Variants in KCND2 observed in about 807,000 individuals in gnomAD.
The protein encoded by KCND2 is potassium voltage-gated channel subfamily D member 2.
In KCND2, 16 loss-of-function variants were observed where a neutral mutation model predicts 54.4. The ratio of observed to expected loss-of-function variants is 0.29; its 90% CI spans 0.20 to 0.45. The LOEUF is 0.45. Among genes scored for constraint, KCND2 ranks in the 20% least tolerant of loss-of-function variants. The pLI is 1.00. For missense variants in KCND2, 486 were observed against 824.2 expected (o/e 0.59, Z 5.02); for synonymous variants, 317 against 310.7 (o/e 1.02, Z -0.21).
At chr7:120,536,222 A>T (rs1791904531) in intron 1 of KCND2, among the ~76,000 whole-genome samples, 1 of 152,166 alleles carries the variant, frequency 6.6e-6, no homozygotes, top group Non-Finnish European at 1.5e-5. Flanking sequence ...TGTCTACAAA[A>T]ACAATATATA....
chr7:120,625,021 T>G (rs1373550696), intron 1 of KCND2, among the ~76,000 whole-genome samples: 2 of 152,188 alleles, frequency 1.3e-5, no homozygotes, highest in African/African-American at 2.4e-5. Flanking sequence ...TATCTCAAAG[T>G]ATCTAATTGC....
intron 1 of KCND2, among the ~76,000 whole-genome samples, chr7:120,541,897 C>G (rs1483716393): frequency 1.3e-5 from 2 of 152,154 alleles, no homozygotes; most frequent in East Asian, 3.8e-4. Context: ...CATATTCAAT[C>G]TTCTATTCAG....
intron 1 of KCND2, among the ~76,000 whole-genome samples, chr7:120,617,471 T>G (rs1429390311): frequency 1.3e-5 from 2 of 152,196 alleles, no homozygotes; most frequent in African/African-American, 4.8e-5. Flanking sequence ...GAAGGGCTAT[T>G]ACTAAAGTCA....
chr7:120,413,408 A>C (rs1206277550), intron 1 of KCND2, among the ~76,000 whole-genome samples: 1 of 151,892 alleles, frequency 6.6e-6, no homozygotes, highest in East Asian at 1.9e-4. Flanking sequence ...TTGTTCACCT[A>C]TGTCTACCTT....
chr7:120,441,339 A>G (rs971527509), intron 1 of KCND2, among the ~76,000 whole-genome samples: 1 of 152,100 alleles, frequency 6.6e-6, no homozygotes, highest in African/African-American at 2.4e-5. Flanking sequence ...AGAGACATGT[A>G]TATGGCACAT....
chr7:120,477,622 T>C (rs1310903229), intron 1 of KCND2, among the ~76,000 whole-genome samples: 1 of 151,936 alleles, frequency 6.6e-6, no homozygotes, highest in Non-Finnish European at 1.5e-5. Flanking sequence ...TAAATTTATA[T>C]AGTAAATATT....
At chr7:120,435,202 G>T (rs72603599) in intron 1 of KCND2, among the ~76,000 whole-genome samples, 10,036 of 151,370 alleles carry the variant, frequency 0.066, 1,067 homozygotes, top group East Asian at 0.52. Context: ...CACCTCCCGG[G>T]TTCAAGTGAT....
At chr7:120,705,012 A>G (rs1016111344) in intron 1 of KCND2, among the ~76,000 whole-genome samples, 10 of 152,210 alleles carry the variant, frequency 6.6e-5, no homozygotes, top group South Asian at 6.2e-4. Flanking sequence ...TAAGTCCTTT[A>G]ATACTGCCTA....
At chr7:120,505,682 C>A (rs1463628700) in intron 1 of KCND2, among the ~76,000 whole-genome samples, 1 of 151,626 alleles carries the variant, frequency 6.6e-6, no homozygotes, top group Non-Finnish European at 1.5e-5. Flanking sequence ...CCTTGCTAAA[C>A]CCAGAGAGAT....
At chr7:120,396,473 A>G (rs1057404375) in intron 1 of KCND2, among the ~76,000 whole-genome samples, 1 of 152,084 alleles carries the variant, frequency 6.6e-6, no homozygotes, top group Non-Finnish European at 1.5e-5. Flanking sequence ...TTCGACATTA[A>G]TATTAAGACT....
At position 120,637,448 on chromosome 7, in the gene KCND2, T is replaced by G. The variant is rs546617405; in HGVS notation, c.1116-95455T>G. 4.6e-5 allele frequency among the ~76,000 whole-genome samples: 7 copies of G among 152,268 alleles called. No homozygotes were observed. In the South Asian group the frequency reaches 1.4e-3, roughly 32 times the overall value. On this transcript the variant is annotated intron_variant, in intron 1 of 5. Transcript: ENST00000331113. ...GATTTTAAAATATTATTCAAATTTT[T>G]CTTTAAAGAAGTTTTATTTTTAAGC...
At position 120,656,505 on chromosome 7, in the gene KCND2, A is replaced by G. The variant is rs368394258; in HGVS notation, c.1116-76398A>G. 3.7e-4 allele frequency among the ~76,000 whole-genome samples: 57 copies of G among 152,346 alleles called. 2 individuals carry two copies. In the South Asian group the frequency reaches 0.011, roughly 29 times the overall value. On this transcript the variant is annotated intron_variant, in intron 1 of 5. Coordinates refer to ENST00000331113, the MANE Select transcript of KCND2 (RefSeq NM_012281.3). ...GATCTTTCCATCTATTTCTAAGTAC[A>G]CAGAGCATACTGAGATTAAGATTCA...
At chr7:120,619,490 T>C (rs1793071476) in intron 1 of KCND2, among the ~76,000 whole-genome samples, 1 of 152,372 alleles carries the variant, frequency 6.6e-6, no homozygotes, top group African/African-American at 2.4e-5. Flanking sequence ...GTAACTGGCC[T>C]ATCAACTAAG....
intron 1 of KCND2, among the ~76,000 whole-genome samples, chr7:120,510,383 C>CCTG (rs1312037404): frequency 6.6e-6 from 1 of 152,004 alleles, no homozygotes; most frequent in African/African-American, 2.4e-5. Context: ...GTTTTGAACC[C>CCTG]CTGTAGTCTG....
chr7:120,710,559 T>G lies in KCND2; in HGVS notation c.1116-22344T>G, dbSNP rs1393996530. 3.3e-5 allele frequency among the ~76,000 whole-genome samples: 5 copies of G among 152,122 alleles called. No individual in the cohort carries two copies. In the East Asian group the frequency reaches 9.6e-4, roughly 29 times the overall value. On this transcript the variant is annotated intron_variant, in intron 1 of 5. Coordinates refer to ENST00000331113, the MANE Select transcript of KCND2 (RefSeq NM_012281.3). ...GAGTCTGGGTTCATTTTCCATTTTT[T>G]CCCCAGTTTCTCCTGACATAATCCC...
At chr7:120,707,310 C>T (rs1792481325) in intron 1 of KCND2, among the ~76,000 whole-genome samples, 1 of 152,066 alleles carries the variant, frequency 6.6e-6, no homozygotes. Flanking sequence ...ACCTTTGTGT[C>T]AGGTGCAGGG....
intron 1 of KCND2, among the ~76,000 whole-genome samples, chr7:120,405,209 G>A (rs1024330120): frequency 2.6e-5 from 4 of 152,048 alleles, no homozygotes; most frequent in Admixed American, 1.3e-4. Flanking sequence ...AGTAATAAAG[G>A]TTGTGTTAAA....
intron 1 of KCND2, among the ~76,000 whole-genome samples, chr7:120,346,317 ATT>A (rs1486317448): frequency 2.0e-5 from 3 of 152,044 alleles, no homozygotes. Flanking sequence ...GTCTCTCAAA[ATT>A]TTTTGCCTTG....
At chr7:120,314,874 CATT>C (rs1476462138) in intron 1 of KCND2, among the ~76,000 whole-genome samples, 10 of 152,122 alleles carry the variant, frequency 6.6e-5, no homozygotes, top group African/African-American at 2.4e-4. Context: ...TTCATCTCCT[CATT>C]AGCTGTTATA....
Sources: allele counts gnomAD v4.1 joint callset (sites outside exome capture counted in the v4.1 genomes callset), GRCh38; gene constraint gnomAD v4.1.1; transcripts MANE v1.5; gene names NCBI Gene and HGNC (gene_info 2026-07-23, HGNC 2026-07-21).